Variants in MCPH1 observed in about 807,000 individuals in gnomAD.
MCPH1 encodes the protein microcephalin.
In MCPH1, 104 loss-of-function variants were observed where a neutral mutation model predicts 84.5. That is an observed-to-expected ratio of 1.23 (90% CI 1.05 to 1.45). The LOEUF (loss-of-function observed/expected upper bound fraction) is 1.45. Ranked by LOEUF, MCPH1 falls within the 40% of genes most tolerant of loss-of-function variation. The probability of loss-of-function intolerance (pLI) is 0.00; values close to 1 mark genes in which losing one functional copy is unlikely to be tolerated. For synonymous variants in MCPH1, 514 were observed against 366.8 expected, an observed-to-expected ratio of 1.40 and a Z score of -4.58; for missense variants, 1,498 against 1,005.7, an observed-to-expected ratio of 1.49 and a Z score of -6.62.
intron 12 of MCPH1, chr8:6,513,778 G>C (rs1689824069): frequency 1.2e-6 from 2 of 1,613,996 alleles, no homozygotes. Context: ...ACATAGCGTT[G>C]CTGATTAGTC....
intron 6 of MCPH1, among the ~76,000 whole-genome samples, chr8:6,441,749 T>C (rs1282997122): frequency 6.6e-6 from 1 of 152,182 alleles, no homozygotes; most frequent in East Asian, 1.9e-4. Flanking sequence ...GTCCAGACAT[T>C]ACCAAATATC....
intron 12 of MCPH1, among the ~76,000 whole-genome samples, chr8:6,582,407 G>A (rs1432883823): frequency 6.6e-6 from 1 of 152,160 alleles, no homozygotes; most frequent in Non-Finnish European, 1.5e-5. Flanking sequence ...CAGAGCTAGA[G>A]TTCAAACCCA....
chr8:6,643,035 C>G lies in MCPH1; in HGVS notation c.2494C>G (p.Leu832Val). 1.2e-6 allele frequency: 2 copies of G among 1,614,012 alleles called. No individual in the cohort carries two copies. Among genetic ancestry groups the G allele is most frequent in the Non-Finnish European group, 1.7e-6 (2 of 1,179,920 alleles). The change falls in exon 14 of 14, where the codon CTA (leucine) becomes GTA (valine). Residue 832 changes from leucine to valine, a missense_variant. By Grantham distance (32) the Leu-to-Val change is conservative. Coordinates refer to ENST00000344683, the MANE Select transcript of MCPH1 (RefSeq NM_024596.5). ...CAAGGTCTGTGCCCCTGAAAACTAC[C>G]TATTGTCACAATGACAGTGACCTCA... ...QHKVCAPENYLLSQ is the reference protein window; with the variant it reads ...QHKVCAPENYVLSQ
At chr8:6,611,680 G>A (rs59251961) in intron 12 of MCPH1, among the ~76,000 whole-genome samples, 17,511 of 151,960 alleles carry the variant, frequency 0.12, 1,353 homozygotes, top group East Asian at 0.33. Context: ...GTGCAGTGGC[G>A]CCATCTCAGC....
intron 2 of MCPH1, among the ~76,000 whole-genome samples, chr8:6,410,003 C>G (rs1374863999): frequency 6.6e-6 from 1 of 151,232 alleles, no homozygotes; most frequent in African/African-American, 2.4e-5. Flanking sequence ...CGGAGTCTCG[C>G]TCTGTCGCTA....
At chr8:6,436,405 AT>A (rs1257725713) in intron 5 of MCPH1, among the ~76,000 whole-genome samples, 1 of 152,188 alleles carries the variant, frequency 6.6e-6, no homozygotes, top group African/African-American at 2.4e-5. Flanking sequence ...CGAACTTTTT[AT>A]TTTCGGGAAT....
rs201382058 is a variant in MCPH1, at chr8:6,527,621, G to C, written c.2214+27692G>C. 3.8e-5 allele frequency: 62 copies of C among 1,613,936 alleles called. No individual in the cohort carries two copies. In the East Asian group the frequency reaches 1.1e-3, roughly 28 times the overall value. On this transcript the variant is annotated intron_variant, in intron 12 of 13. Transcript: ENST00000344683. ...CAAAATCTGTTTTTCCAATTTGTTT[G>C]TCGAGAGGGAGTGTTCCAAGAGCTG... is the stretch of plus-strand genomic sequence containing the variant.
intron 12 of MCPH1, among the ~76,000 whole-genome samples, chr8:6,597,285 G>A (rs1292703430): frequency 6.6e-6 from 1 of 152,160 alleles, no homozygotes; most frequent in East Asian, 1.9e-4. Flanking sequence ...CGGAGCCAAT[G>A]GTGAAAGCAG....
intron 12 of MCPH1, among the ~76,000 whole-genome samples, chr8:6,605,833 G>T (rs1441857776): frequency 6.6e-6 from 1 of 152,156 alleles, no homozygotes; most frequent in Non-Finnish European, 1.5e-5. Context: ...AAGTAGCTGG[G>T]ATTACAGGTG....
At chr8:6,636,562 C>G (rs569654908) in intron 13 of MCPH1, among the ~76,000 whole-genome samples, 1 of 152,222 alleles carries the variant, frequency 6.6e-6, no homozygotes, top group South Asian at 2.1e-4. Flanking sequence ...TCATTGCAGC[C>G]TCTAACTCCT....
At chr8:6,530,417 G>T (rs2922885) in intron 12 of MCPH1, among the ~76,000 whole-genome samples, 12,578 of 150,152 alleles carry the variant, frequency 0.084, 545 homozygotes, top group African/African-American at 0.12. Context: ...GCTAAGGCAC[G>T]AGAATCGCTT....
At chr8:6,642,858 C>T (rs548314341) in intron 13 of MCPH1, 136 bp from the exon 14 acceptor site, 27 of 762,348 alleles carry the variant, frequency 3.5e-5, no homozygotes, top group African/African-American at 1.7e-4. Context: ...GCTCTATGGA[C>T]GTGGGGGGGC....
chr8:6,474,152 C>G (rs142255228), intron 9 of MCPH1: 186 of 753,190 alleles, frequency 2.5e-4, no homozygotes, highest in African/African-American at 2.2e-3. Flanking sequence ...TCCACATTCT[C>G]TCATTTGGTT....
chr8:6,548,873 G>A (rs896441790), intron 12 of MCPH1, among the ~76,000 whole-genome samples: 2 of 152,162 alleles, frequency 1.3e-5, no homozygotes, highest in South Asian at 4.1e-4. Flanking sequence ...TCCATTGGCT[G>A]TTGATAAAGT....
rs2922827 is a variant in MCPH1 at position 6,442,187 on chromosome 8, G to T, written c.670+31G>T. The T allele has an allele frequency of 1.0e-4, 146 of 1,390,954 alleles. No individual in the cohort carries two copies. The African/African-American group carries it at 1.8e-3, about 17-fold the overall frequency. 86.2% of individuals were successfully genotyped at this position (1,390,954 alleles called of 1,614,324 possible). A position where few individuals can be genotyped will look rare whatever the true frequency, so the allele number is the denominator to read the frequency against. On this transcript the variant is annotated intron_variant, in intron 7 of 13. Transcript: ENST00000344683. ...ATTTTTATTTTCCTTTCTGTGATAT[G>T]TTTAAGTTTTGAGAATAATATGATT...
intron 7 of MCPH1, among the ~76,000 whole-genome samples, chr8:6,442,781 A>G (rs140502311): frequency 6.6e-6 from 1 of 152,238 alleles, no homozygotes; most frequent in Non-Finnish European, 1.5e-5. Flanking sequence ...GATCCCTGAA[A>G]GTACTATGTT....
At chr8:6,548,666 G>T (rs1281739415) in intron 12 of MCPH1, among the ~76,000 whole-genome samples, 1 of 152,100 alleles carries the variant, frequency 6.6e-6, no homozygotes, top group South Asian at 2.1e-4. Context: ...AATTTAGAAA[G>T]ATTTGAAAAA....
rs867058654 is a variant in MCPH1 at position 6,419,901 on chromosome 8, G to C, written c.233+5018G>C. Among the ~76,000 whole-genome samples, 49 of 151,792 alleles carry C rather than the reference G, an allele frequency of 3.2e-4. 1 individual carries two copies. Among genetic ancestry groups the C allele is most frequent in the African/African-American group, 1.0e-3 (42 of 41,254 alleles). On this transcript the variant is annotated intron_variant, in intron 3 of 13. Transcript: ENST00000344683. ...GGGTTTTCCTCAGCTGAAATGATTT[G>C]CTTTTTCTTTGTTTTTTTAAAATAG...
intron 12 of MCPH1, among the ~76,000 whole-genome samples, chr8:6,516,109 A>G (rs1394984996): frequency 1.3e-5 from 2 of 152,234 alleles, no homozygotes. Context: ...TTGGAAACAT[A>G]GGTGCCATTA....
Sources: allele counts gnomAD v4.1 joint callset (sites outside exome capture counted in the v4.1 genomes callset), GRCh38; gene constraint gnomAD v4.1.1; transcripts MANE v1.5; gene names NCBI Gene and HGNC (gene_info 2026-07-23, HGNC 2026-07-21).